ANKRD50: variants seen among roughly 807,000 people sequenced by gnomAD.
ANKRD50 encodes the protein ankyrin repeat domain 50, also known as ankyrin repeat domain-containing protein 50.
A neutral mutation model predicts 112.0 loss-of-function variants in ANKRD50; 40 were observed. The ratio of observed to expected loss-of-function variants is 0.36; its 90% CI spans 0.28 to 0.46. ANKRD50 has a LOEUF of 0.46. ANKRD50 is among the 20% of genes least tolerant of loss of function. The probability of loss-of-function intolerance (pLI) is 1.00; values close to 1 mark genes in which losing one functional copy is unlikely to be tolerated. For synonymous variants in ANKRD50, 613 were observed against 619.1 expected (o/e 0.99, Z 0.15); for missense variants, 1,487 against 1,701.7 (o/e 0.87, Z 2.22).
rs530037702 is a variant in ANKRD50 at position 124,669,433 on chromosome 4, C to T, written c.3844G>A (p.Ala1282Thr). 6.2e-7 allele frequency: 1 copy of T among 1,612,540 alleles called. No homozygotes were observed. The highest frequency in any genetic ancestry group is 1.3e-5 in the African/African-American group (1 of 74,872). ...KSENSAKSGSAGKKAKQSNSS... is the reference protein window; with the variant it reads ...KSENSAKSGSTGKKAKQSNSS... ...TTACTTTGTTTCGCTTTTTTCCCAG[C>T]TGATCCAGACTTGGCAGAATTTTCT... The change falls in exon 4 of 5, where the codon GCT (alanine) becomes ACT (threonine). Residue 1282 changes from alanine to threonine, a missense_variant. Around this residue, in one of 2 missense-constraint regions of ANKRD50, gnomAD observed 441 missense variants for 432.2 expected, o/e 1.02. Transcript: ENST00000504087.
chr4:124,683,754 C>T (rs1439803332), intron 2 of ANKRD50, among the ~76,000 whole-genome samples: 3 of 128,538 alleles, frequency 2.3e-5, no homozygotes, highest in Admixed American at 1.6e-4. Flanking sequence ...GAGACTCCGT[C>T]TCAAAAAAAA....
At chr4:124,696,943 T>C (rs1046379635) in intron 2 of ANKRD50, among the ~76,000 whole-genome samples, 4 of 152,022 alleles carry the variant, frequency 2.6e-5, no homozygotes, top group Non-Finnish European at 5.9e-5. Context: ...AAACATAAAT[T>C]AGAGTACACT....
At position 124,669,156 on chromosome 4, in the gene ANKRD50, A is replaced by C; in HGVS notation, c.4121T>G (p.Val1374Gly). Residue 1374 changes from valine (V) to glycine (G), a missense_variant, in exon 4 of 5, where the codon GTT becomes GGT. Coordinates refer to ENST00000504087, the MANE Select transcript of ANKRD50 (RefSeq NM_020337.3). ...NPNYHLQSNQ[V>G]FLGRVSVPRT... ...TGGGACTGAAACCCTACCAAGAAAA[A>C]CCTGGTTGCTCTGAAGATGATAATT... is the stretch of plus-strand genomic sequence containing the variant. 6.2e-7 allele frequency: 1 copy of C among 1,613,392 alleles called. No individual in the cohort carries two copies. Among genetic ancestry groups the C allele is most frequent in the Non-Finnish European group, 8.5e-7 (1 of 1,179,726 alleles).
Position 124,703,018 on chromosome 4 carries a change from T to C in ANKRD50, c.512+6982A>G, listed in dbSNP as rs369530786. ...GATTTGATTGCTAATAAGATAGCAA[T>C]CAAATCTGCGTCAACAGCTTTATCT... On this transcript the variant is annotated intron_variant, in intron 2 of 4. Transcript: ENST00000504087. Among the ~76,000 whole-genome samples, 7 of 151,926 alleles carry C rather than the reference T, an allele frequency of 4.6e-5. No individual in the cohort carries two copies. In the East Asian group the frequency reaches 7.8e-4, roughly 17 times the overall value.
At chr4:124,673,113 C>A (rs10518442) in intron 3 of ANKRD50, among the ~76,000 whole-genome samples, 27,515 of 151,900 alleles carry the variant, frequency 0.18, 2,581 homozygotes, top group South Asian at 0.24. Context: ...TAGCTTGAAC[C>A]AATTAAGATC....
At chr4:124,711,851 G>A (rs1725640605) in intron 1 of ANKRD50, among the ~76,000 whole-genome samples, 1 of 152,118 alleles carries the variant, frequency 6.6e-6, no homozygotes, top group Non-Finnish European at 1.5e-5. Context: ...CCTTCCTCTG[G>A]GCCAAGGATG....
At chr4:124,684,025 C>T (rs889677471) in intron 2 of ANKRD50, among the ~76,000 whole-genome samples, 1 of 151,464 alleles carries the variant, frequency 6.6e-6, no homozygotes, top group Admixed American at 6.6e-5. Flanking sequence ...TGTTGTTTCA[C>T]CAACTCTTTT....
chr4:124,701,830 A>C (rs1560831253), intron 2 of ANKRD50, among the ~76,000 whole-genome samples: 1 of 145,970 alleles, frequency 6.9e-6, no homozygotes, highest in African/African-American at 2.5e-5. Context: ...TTTTAAAAAC[A>C]AAAAAAAAAA....
chr4:124,683,067 T>C (rs1219653462), intron 2 of ANKRD50, among the ~76,000 whole-genome samples: 5 of 151,774 alleles, frequency 3.3e-5, no homozygotes, highest in Non-Finnish European at 5.9e-5. Flanking sequence ...CACACATACA[T>C]ACATATATAC....
chr4:124,672,469 T>C lies in ANKRD50; in HGVS notation c.808A>G (p.Ile270Val), dbSNP rs1164904341. The change falls in exon 4 of 5, where the codon ATT becomes GTT. Residue 270 changes from isoleucine (I) to valine (V), a missense_variant. Physicochemically the swap from Ile to Val is conservative, Grantham distance 29. This residue lies in a region of ANKRD50 where 1,046 missense variants were observed against 1,269.5 expected (regional missense o/e 0.82). Transcript: ENST00000504087. ...TCTTCTTGATCTAAACGATGAAGAA[T>C]GTACTGCTGAACATCCTTGACGATA... The part of the protein sequence containing the change: ...AYIVKDVQQY[I>V]LHRLDQEEAL... 1.2e-6 allele frequency: 2 copies of C among 1,611,538 alleles called. No individual in the cohort carries two copies. The highest frequency in any genetic ancestry group is 1.3e-5 in the African/African-American group (1 of 74,902).
intron 2 of ANKRD50, among the ~76,000 whole-genome samples, chr4:124,683,138 C>T (rs1724931140): frequency 6.6e-6 from 1 of 151,544 alleles, no homozygotes; most frequent in Non-Finnish European, 1.5e-5. Flanking sequence ...TTATCACACA[C>T]ATATATATGT....
chr4:124,710,963 A>G lies in ANKRD50; in HGVS notation c.-452T>C, dbSNP rs75528853. 2,654 of 416,476 alleles carry G rather than the reference A, an allele frequency of 6.4e-3. 68 individuals are homozygous for G. Among genetic ancestry groups the G allele is most frequent in the African/African-American group, 0.048 (2,366 of 49,226 alleles). The allele number at this position is 416,476 out of a possible 1,614,324, so 25.8% of individuals were successfully genotyped here. ...ACAATTAGATTCTGAAAAGAGGTCC[A>G]CTGCATTAAATGGCATCAGAGAGAT... is the stretch of plus-strand genomic sequence containing the variant. On this transcript the variant is annotated 5_prime_UTR_variant, in exon 2 of 5. Coordinates refer to ENST00000504087, the MANE Select transcript of ANKRD50 (RefSeq NM_020337.3).
At chr4:124,697,885 C>T (rs528472435) in intron 2 of ANKRD50, among the ~76,000 whole-genome samples, 4 of 151,634 alleles carry the variant, frequency 2.6e-5, no homozygotes, top group Non-Finnish European at 5.9e-5. Flanking sequence ...ATTTCTGCTG[C>T]GTTGAAGATT....
Position 124,672,487 on chromosome 4 carries a change from T to C in ANKRD50, c.790A>G (p.Lys264Glu). The C allele has an allele frequency of 6.2e-7, 1 of 1,607,620 alleles. No homozygotes were observed. ...TGAAGAATGTACTGCTGAACATCCTTGACGATATATGCCTTCCGAAGGTCA... is the reference window on the plus strand; with the variant it reads ...TGAAGAATGTACTGCTGAACATCCTCGACGATATATGCCTTCCGAAGGTCA... ...LDDLRKAYIV[K>E]DVQQYILHRL... is the part of the protein sequence containing the mutation. The change falls in exon 4 of 5, where the codon AAG becomes GAG. Residue 264 changes from lysine (K) to glutamate (E), a missense_variant. Physicochemically the swap from Lys to Glu is moderately conservative, Grantham distance 56. This residue lies in a region of ANKRD50 where 1,046 missense variants were observed against 1,269.5 expected (regional missense o/e 0.82). Transcript: ENST00000504087.
Position 124,670,732 on chromosome 4 carries a change from T to C in ANKRD50, c.2545A>G (p.Thr849Ala). Residue 849 changes from threonine (T) to alanine (A), a missense_variant, in exon 4 of 5, where the codon ACA becomes GCA. Transcript: ENST00000504087. ...DENHRDDAGWTPLHMAAFEGH... is the reference protein window; with the variant it reads ...DENHRDDAGWAPLHMAAFEGH... ...TCAAAAGCTGCCATGTGCAAAGGTG[T>C]CCATCCAGCATCATCTCTGTGATTT... 6.2e-7 allele frequency: 1 copy of C among 1,613,708 alleles called. No homozygotes were observed. Among genetic ancestry groups the C allele is most frequent in the Non-Finnish European group, 8.5e-7 (1 of 1,179,808 alleles).
intron 2 of ANKRD50, among the ~76,000 whole-genome samples, chr4:124,688,114 G>A (rs1334886350): frequency 6.6e-6 from 1 of 152,104 alleles, no homozygotes; most frequent in Non-Finnish European, 1.5e-5. Flanking sequence ...TCTTCTACTA[G>A]TGAAGGGATA....
intron 2 of ANKRD50, among the ~76,000 whole-genome samples, chr4:124,691,636 T>C (rs1725142052): frequency 6.6e-6 from 1 of 152,160 alleles, no homozygotes; most frequent in African/African-American, 2.4e-5. Flanking sequence ...TAGCAAGGAT[T>C]TCCCATTTCT....
chr4:124,681,129 G>A (rs182815779), intron 2 of ANKRD50, among the ~76,000 whole-genome samples: 5 of 151,676 alleles, frequency 3.3e-5, no homozygotes, highest in African/African-American at 7.3e-5. Context: ...TGAGATATGA[G>A]GCCAATGCTT....
At chr4:124,702,603 G>A (rs989868777) in intron 2 of ANKRD50, among the ~76,000 whole-genome samples, 2 of 151,992 alleles carry the variant, frequency 1.3e-5, no homozygotes, top group African/African-American at 2.4e-5. Context: ...AGTAGAAAAC[G>A]GCCTATGAAC....
Sources: allele counts gnomAD v4.1 joint callset (sites outside exome capture counted in the v4.1 genomes callset), GRCh38; gene constraint gnomAD v4.1.1; regional missense constraint gnomAD v4.1.1; transcripts MANE v1.5; gene names NCBI Gene and HGNC (gene_info 2026-07-23, HGNC 2026-07-21).